The following MAN2A1 variants were observed in gnomAD, a reference collection of about 807,000 sequenced individuals.
The protein encoded by MAN2A1 is alpha-mannosidase 2.
In MAN2A1, 76 loss-of-function variants were observed where a neutral mutation model predicts 142.6. The ratio of observed to expected loss-of-function variants is 0.53; its 90% CI spans 0.44 to 0.65. The LOEUF (loss-of-function observed/expected upper bound fraction) is 0.65, where lower values mean the gene tolerates loss of function less well. Ranked by LOEUF, MAN2A1 falls within the 30% of genes least tolerant of loss-of-function variation. MAN2A1 has a pLI of 0.00. For synonymous variants in MAN2A1, 559 were observed against 473.2 expected (o/e 1.18, Z -2.35); for missense variants, 1,311 against 1,365.1 (o/e 0.96, Z 0.62).
chr5:109,796,459 T>G (rs1415015101), intron 12 of MAN2A1, among the ~76,000 whole-genome samples: 1 of 152,238 alleles, frequency 6.6e-6, no homozygotes, highest in Non-Finnish European at 1.5e-5. Context: ...TCAGCTCAAC[T>G]TTAACTCTTT....
chr5:109,850,190 G>A (rs1370108097), intron 19 of MAN2A1, among the ~76,000 whole-genome samples: 3 of 152,144 alleles, frequency 2.0e-5, no homozygotes, highest in Non-Finnish European at 4.4e-5. Flanking sequence ...ATTGTTCCTG[G>A]CAGAGGACAT....
At chr5:109,812,379 A>G (rs774532588) in intron 12 of MAN2A1, among the ~76,000 whole-genome samples, 1 of 152,014 alleles carries the variant, frequency 6.6e-6, no homozygotes, top group Non-Finnish European at 1.5e-5. Flanking sequence ...AAGGTCTTGA[A>G]TTTTTTCCTG....
chr5:109,796,784 A>T (rs1582906082), intron 12 of MAN2A1, among the ~76,000 whole-genome samples: 1 of 152,192 alleles, frequency 6.6e-6, no homozygotes, highest in Non-Finnish European at 1.5e-5. Context: ...GAAACTTGCG[A>T]TCAGGCTGGA....
At chr5:109,863,361 C>T (rs1755802699) in intron 20 of MAN2A1, 1 of 152,190 alleles carries the variant, frequency 6.6e-6, no homozygotes, top group African/African-American at 2.4e-5. Flanking sequence ...TAAGCTATTT[C>T]ATTTCATTTC....
rs761478729 is a variant in MAN2A1 at position 109,713,674 on chromosome 5, G to T, written c.290G>T (p.Gly97Val). The change falls in exon 2 of 22, where the codon GGT (glycine) becomes GTT (valine). Residue 97 changes from glycine to valine, a missense_variant. This residue lies in a region of MAN2A1 where 409 missense variants were observed against 412.7 expected (regional missense o/e 0.99). Transcript: ENST00000261483. ...AGTTCACAAAGCAATTTCAGCCAAGGTGCTGGCTCACATCTTCTGCCCTCA... is the reference window on the plus strand; with the variant it reads ...AGTTCACAAAGCAATTTCAGCCAAGTTGCTGGCTCACATCTTCTGCCCTCA... Reference protein sequence around the residue: ...PKSSQSNFSQGAGSHLLPSQL... With the variant: ...PKSSQSNFSQVAGSHLLPSQL... The T allele has an allele frequency of 6.2e-7, 1 of 1,614,096 alleles. No individual in the cohort carries two copies. The highest frequency in any genetic ancestry group is 2.2e-5 in the East Asian group (1 of 44,890).
At chr5:109,696,408 T>C (rs867618238) in intron 1 of MAN2A1, among the ~76,000 whole-genome samples, 1 of 152,226 alleles carries the variant, frequency 6.6e-6, no homozygotes. Flanking sequence ...TGGTATCTCT[T>C]AAATATCTTA....
intron 20 of MAN2A1, chr5:109,862,377 G>A (rs1433410728): frequency 6.6e-6 from 1 of 152,134 alleles, no homozygotes; most frequent in Admixed American, 6.5e-5. Flanking sequence ...CCTGAATTAA[G>A]TTTGCAATGG....
At chr5:109,768,196 G>T (rs1013665979) in intron 6 of MAN2A1, among the ~76,000 whole-genome samples, 6 of 151,856 alleles carry the variant, frequency 4.0e-5, no homozygotes, top group Non-Finnish European at 7.4e-5. Context: ...CTGTGGCCAC[G>T]CAGGCATTCT....
chr5:109,817,787 A>G (rs1754509115), intron 13 of MAN2A1, among the ~76,000 whole-genome samples: 1 of 152,200 alleles, frequency 6.6e-6, no homozygotes, highest in South Asian at 2.1e-4. Context: ...GAATTTAATG[A>G]TAATTATGCA....
intron 20 of MAN2A1, among the ~76,000 whole-genome samples, chr5:109,856,543 G>A (rs533534360): frequency 1.2e-3 from 188 of 152,314 alleles, no homozygotes; most frequent in African/African-American, 4.4e-3. Flanking sequence ...ACTAGAAAAG[G>A]CAGAGAGGAA....
At chr5:109,746,513 TA>T (rs1561490844) in intron 4 of MAN2A1, among the ~76,000 whole-genome samples, 3 of 151,816 alleles carry the variant, frequency 2.0e-5, no homozygotes, top group Non-Finnish European at 4.4e-5. Context: ...TATGCACATG[TA>T]CATAAAGGCA....
At chr5:109,810,244 T>C (rs746413995) in intron 12 of MAN2A1, among the ~76,000 whole-genome samples, 1 of 152,164 alleles carries the variant, frequency 6.6e-6, no homozygotes, top group Non-Finnish European at 1.5e-5. Context: ...CTGTCTTTTG[T>C]GATGCCTCTT....
intron 14 of MAN2A1, 118 bp downstream of exon 14, chr5:109,820,005 G>A: frequency 1.2e-6 from 1 of 849,610 alleles, no homozygotes; most frequent in Non-Finnish European, 1.8e-6. Flanking sequence ...AAATACTCTT[G>A]AGTAAAAGGA....
In MAN2A1 at chr5:109,867,106, G is replaced by T. The variant is rs1755904267; in HGVS notation, c.*108G>T. ...TAGCTTCTGGCTACTGTGAGAACAT[G>T]AATTCTGTGATTCTGTGGGTTTTTT... On this transcript the variant is annotated 3_prime_UTR_variant, in exon 22 of 22. Coordinates refer to ENST00000261483, the MANE Select transcript of MAN2A1 (RefSeq NM_002372.4). 8.8e-6 allele frequency: 5 copies of T among 567,540 alleles called. No individual in the cohort carries two copies. The highest frequency in any genetic ancestry group is 7.9e-6 in the Non-Finnish European group (3 of 380,298). 35.2% of individuals were successfully genotyped at this position (567,540 alleles called of 1,614,324 possible).
At chr5:109,866,185 G>A (rs971293373) in intron 21 of MAN2A1, among the ~76,000 whole-genome samples, 10 of 152,108 alleles carry the variant, frequency 6.6e-5, no homozygotes, top group Non-Finnish European at 1.5e-4. Flanking sequence ...GCACTCTATT[G>A]TATTGTTGAT....
At chr5:109,765,288 T>G (rs1487277900) in intron 5 of MAN2A1, among the ~76,000 whole-genome samples, 2 of 152,266 alleles carry the variant, frequency 1.3e-5, no homozygotes, top group East Asian at 1.9e-4. Context: ...GATCTTTATA[T>G]TTTTGAAGAG....
chr5:109,745,934 A>G (rs962832865), intron 4 of MAN2A1, among the ~76,000 whole-genome samples: 5 of 152,166 alleles, frequency 3.3e-5, no homozygotes, highest in African/African-American at 1.2e-4. Context: ...ATTTTTAAAT[A>G]AATTTTCATG....
intron 16 of MAN2A1, among the ~76,000 whole-genome samples, chr5:109,831,583 T>C (rs1003048692): frequency 1.3e-5 from 2 of 152,270 alleles, no homozygotes; most frequent in Admixed American, 1.3e-4. Context: ...TTGTACATGG[T>C]GACTTTTAAA....
intron 19 of MAN2A1, among the ~76,000 whole-genome samples, chr5:109,850,866 TG>T (rs1429352129): frequency 1.1e-4 from 17 of 152,212 alleles, no homozygotes; most frequent in Admixed American, 6.5e-5. Context: ...CTTCAATTAA[TG>T]GTTTCTTTTA....
Sources: allele counts gnomAD v4.1 joint callset (sites outside exome capture counted in the v4.1 genomes callset), GRCh38; gene constraint gnomAD v4.1.1; regional missense constraint gnomAD v4.1.1; transcripts MANE v1.5; gene names NCBI Gene and HGNC (gene_info 2026-07-23, HGNC 2026-07-21).